NFATC4: variants seen among roughly 807,000 people sequenced by gnomAD.
NFATC4 encodes nuclear factor of activated T-cells, cytoplasmic 4.
A neutral mutation model predicts 73.4 loss-of-function variants in NFATC4; 25 were observed. The ratio of observed to expected loss-of-function variants is 0.34; its 90% confidence interval spans 0.25 to 0.48. The LOEUF is 0.48. Ranked by LOEUF, NFATC4 falls within the 20% of genes least tolerant of loss-of-function variation. The pLI is 0.99. For synonymous variants in NFATC4, 523 were observed against 510.3 expected (o/e 1.02, Z -0.34); for missense variants, 1,130 against 1,203.7 (o/e 0.94, Z 0.91).
chr14:24,377,837 C>T lies in NFATC4; in HGVS notation c.*132C>T. On this transcript the variant is annotated 3_prime_UTR_variant, in exon 10 of 10. Coordinates refer to ENST00000250373, the MANE Select transcript of NFATC4 (RefSeq NM_004554.5). This position sits in a 1 kb window ranked among gnomAD's most constrained non-coding sequence, Gnocchi z 4.2. ...TCCTCTTTCCCCAGCTTCTGTCTGTCTCACTGTCTTCCCTCCCCTCCCCCA... is the reference window on the plus strand; with the variant it reads ...TCCTCTTTCCCCAGCTTCTGTCTGTTTCACTGTCTTCCCTCCCCTCCCCCA... 6.6e-7 allele frequency: 1 copy of T among 1,513,694 alleles called. No homozygotes were observed. Among genetic ancestry groups the T allele is most frequent in the East Asian group, 2.4e-5 (1 of 41,672 alleles). The allele number at this position is 1,513,694 out of a possible 1,614,324, so 93.8% of individuals were successfully genotyped here.
chr14:24,374,558 G>T, intron 6 of NFATC4, 92 bp downstream of exon 6: 5 of 1,307,320 alleles, frequency 3.8e-6, no homozygotes, highest in Non-Finnish European at 5.3e-6. Flanking sequence ...CTGGCCAGTG[G>T]AGCCTCAGTT....
chr14:24,367,454 A>C, upstream of NFATC4: 2 of 1,535,798 alleles, frequency 1.3e-6, no homozygotes, highest in Non-Finnish European at 1.7e-6. Context: ...GGGCAGCGGC[A>C]AAGCCTGGCC....
At chr14:24,367,612 C>A (rs1566458966), upstream of NFATC4, 6 of 1,536,028 alleles carry the variant, frequency 3.9e-6, no homozygotes. Flanking sequence ...GCTGATTCGG[C>A]AGCGCAAAGA....
intron 2 of NFATC4, 195 bp from the exon 3 acceptor site, chr14:24,372,246 C>A (rs960537901): frequency 2.0e-5 from 12 of 614,084 alleles, no homozygotes; most frequent in South Asian, 1.1e-4. Flanking sequence ...TTTTGGATTT[C>A]TTCATTTCTT....
At chr14:24,368,677 C>T (rs1241597815) in intron 1 of NFATC4, among the ~76,000 whole-genome samples, 1 of 151,382 alleles carries the variant, frequency 6.6e-6, no homozygotes, top group East Asian at 2.0e-4. Context: ...CGCCGCCTCC[C>T]GGCTGGGCCG....
Position 24,376,248 on chromosome 14 carries a change from T to C in NFATC4, c.2057-46T>C. 1.3e-6 allele frequency: 2 copies of C among 1,558,940 alleles called. No homozygotes were observed. The highest frequency in any genetic ancestry group is 1.7e-6 in the Non-Finnish European group (2 of 1,150,988). On this transcript the variant is annotated intron_variant, in intron 8 of 9. Transcript: ENST00000250373. This position sits in a 1 kb window ranked among gnomAD's most constrained non-coding sequence, Gnocchi z 5.0. ...GCTGGAAGGTGTGCAGTGGGGAGAC[T>C]ACCAGACCTCTCACCAGCATGTCCT...
At chr14:24,367,255 A>G (rs747790725), upstream of NFATC4, 1 of 1,511,620 alleles carries the variant, frequency 6.6e-7, no homozygotes, top group Non-Finnish European at 9.0e-7. Flanking sequence ...GGGGCCAAGG[A>G]GGGGGAAGAG....
In NFATC4 at chr14:24,370,108, GC is replaced by G; in HGVS notation, c.714del (p.Gly239GlufsTer181). The G allele has an allele frequency of 6.2e-7, 1 of 1,603,930 alleles. No individual in the cohort carries two copies. On this transcript the variant is annotated frameshift_variant, in exon 2 of 10. Transcript: ENST00000250373. LOFTEE classifies it high-confidence loss of function. ...GATCCCTGGAGCCTGTATGGTCCAAGCCCCGGAGGCCGAGGGCCAGAGGATA... is the reference window on the plus strand; with the variant it reads ...GATCCCTGGAGCCTGTATGGTCCAAGCCCGGAGGCCGAGGGCCAGAGGATA... ...PEDPWSLYGP[S>X]PGGRGPEDSW...
rs202137246 is a variant in NFATC4, at chr14:24,376,598, C to A, written c.2361C>A (p.Phe787Leu). ...PPAVSFLPRP[F>L]PSDPYGGRGS... ...CAGTTTCCTTCCTTCCCCGCCCCTT[C>A]CCTAGTGACCCGTATGGAGGGCGGG... is the stretch of plus-strand genomic sequence containing the variant. The change falls in exon 9 of 10, where the codon TTC becomes TTA. Residue 787 changes from phenylalanine to leucine, a missense_variant. Phe to Leu is a conservative substitution (Grantham distance 22). Transcript: ENST00000250373. This position sits in a 1 kb window ranked among gnomAD's most constrained non-coding sequence, Gnocchi z 5.0. The A allele has an allele frequency of 5.7e-5, 92 of 1,613,878 alleles. No homozygotes were observed. In the East Asian group the frequency reaches 2.0e-3, roughly 36 times the overall value.
intron 1 of NFATC4, chr14:24,369,121 T>TG: frequency 1.4e-6 from 2 of 1,435,248 alleles, no homozygotes; most frequent in Non-Finnish European, 1.8e-6. Context: ...CAGCGCCGTT[T>TG]GGGGGTTTGG....
upstream of NFATC4, chr14:24,368,140 G>C (rs951819208): frequency 5.3e-6 from 6 of 1,129,862 alleles, no homozygotes; most frequent in South Asian, 1.0e-4. Flanking sequence ...CTGGGGGGGG[G>C]ACCGCTTTGA....
chr14:24,367,347 A>G, upstream of NFATC4: 2 of 1,536,916 alleles, frequency 1.3e-6, no homozygotes, highest in South Asian at 2.4e-5. Flanking sequence ...GTGGGATGCT[A>G]TCGGGTCAGA....
chr14:24,375,149 C>T (rs1452975354), intron 6 of NFATC4, among the ~76,000 whole-genome samples: 1 of 152,088 alleles, frequency 6.6e-6, no homozygotes, highest in East Asian at 1.9e-4. Context: ...GATCCTTCCA[C>T]CTTGGCCTCC....
chr14:24,370,660 G>A (rs988513502), intron 2 of NFATC4, 66 bp downstream of exon 2: 2 of 1,539,774 alleles, frequency 1.3e-6, no homozygotes, highest in Non-Finnish European at 1.8e-6. Flanking sequence ...GAGGGTCAAG[G>A]GATGGATTTG....
At chr14:24,367,192 TCTTC>T (rs755866324), upstream of NFATC4, 6 of 1,613,460 alleles carry the variant, frequency 3.7e-6, no homozygotes, top group Admixed American at 1.0e-4. Flanking sequence ...CCAGTCCAGG[TCTTC>T]CTTCCTCCTC....
In NFATC4 at chr14:24,373,416, C is replaced by A; in HGVS notation, c.1559+46C>A. On this transcript the variant is annotated intron_variant, in intron 4 of 9. Coordinates refer to ENST00000250373, the MANE Select transcript of NFATC4 (RefSeq NM_004554.5). The surrounding 1 kb of genome is among the most constrained non-coding windows in gnomAD (Gnocchi z 4.7). ...CCTCAGTCCGCAGGCTTTGTACTAGCTTTCTCCACTGGGCCTATGCTAGCC... is the reference window on the plus strand; with the variant it reads ...CCTCAGTCCGCAGGCTTTGTACTAGATTTCTCCACTGGGCCTATGCTAGCC... 2 of 1,596,534 alleles carry A rather than the reference C, an allele frequency of 1.3e-6. No homozygotes were observed. The highest frequency in any genetic ancestry group is 1.3e-5 in the African/African-American group (1 of 74,684).
At chr14:24,367,483 G>A (rs1040711777), upstream of NFATC4, 1 of 1,535,376 alleles carries the variant, frequency 6.5e-7, no homozygotes, top group African/African-American at 1.4e-5. Context: ...CGCCCATCAA[G>A]GGCTGTGGGC....
Position 24,377,849 on chromosome 14 carries a change from C to T in NFATC4, c.*144C>T. On this transcript the variant is annotated 3_prime_UTR_variant, in exon 10 of 10. Coordinates refer to ENST00000250373, the MANE Select transcript of NFATC4 (RefSeq NM_004554.5). This position sits in a 1 kb window ranked among gnomAD's most constrained non-coding sequence, Gnocchi z 4.2. ...AGCTTCTGTCTGTCTCACTGTCTTC[C>T]CTCCCCTCCCCCAGCTGAGGTGTGG... 6.8e-7 allele frequency: 1 copy of T among 1,461,710 alleles called. No individual in the cohort carries two copies. Among genetic ancestry groups the T allele is most frequent in the Non-Finnish European group, 9.1e-7 (1 of 1,093,112 alleles). The allele number at this position is 1,461,710 out of a possible 1,614,324, so 90.5% of individuals were successfully genotyped here.
At chr14:24,369,478 C>T (rs764027272) in intron 1 of NFATC4, 21 bp from the exon 2 acceptor site, 1 of 1,612,732 alleles carries the variant, frequency 6.2e-7, no homozygotes, top group Admixed American at 1.7e-5. Context: ...TCTCCCTCTG[C>T]TCCTCTTCCC....
Sources: allele counts gnomAD v4.1 joint callset (sites outside exome capture counted in the v4.1 genomes callset), GRCh38; gene constraint gnomAD v4.1.1; non-coding constraint Gnocchi (gnomAD v3.1); transcripts MANE v1.5; gene names NCBI Gene and HGNC (gene_info 2026-07-23, HGNC 2026-07-21).